The following ADAMTS18 variants were observed in gnomAD, a reference collection of about 807,000 sequenced individuals.
ADAMTS18 encodes ADAM metallopeptidase with thrombospondin type 1 motif 18.
ADAMTS18 carries 157 observed loss-of-function variants against 165.9 expected under a neutral mutation model. The ratio of observed to expected loss-of-function variants is 0.95; its 90% confidence interval spans 0.83 to 1.08. ADAMTS18 has a LOEUF of 1.08. ADAMTS18 is among the 50% of genes least tolerant of loss of function. ADAMTS18 has a pLI of 0.00. For synonymous variants in ADAMTS18, 782 were observed against 578.2 expected (o/e 1.35, Z -5.06); for missense variants, 2,040 against 1,534.0 (o/e 1.33, Z -5.51).
intron 3 of ADAMTS18, among the ~76,000 whole-genome samples, chr16:77,382,580 TTCTC>T (rs542219693): frequency 1.0e-3 from 156 of 152,322 alleles, no homozygotes; most frequent in African/African-American, 3.6e-3. Flanking sequence ...CATGAAGACT[TTCTC>T]AATCTAGGGA....
chr16:77,288,871 G>A (rs1053673220), intron 22 of ADAMTS18, among the ~76,000 whole-genome samples: 5 of 152,128 alleles, frequency 3.3e-5, no homozygotes, highest in Admixed American at 2.6e-4. Context: ...CAGAACTTGA[G>A]GCCAGGAGTT....
rs111239068 is a variant in ADAMTS18 at position 77,341,760 on chromosome 16, T to G, written c.1654A>C (p.Arg552=). Residue 552 remains arginine, a synonymous_variant, in exon 11 of 23, where the codon AGG becomes CGG. Transcript: ENST00000282849. ...KSLWCHRVGH[R]CETKFMPAAE... is the part of the protein sequence containing the mutation. ...GCGGGCATAAACTTGGTCTCACACC[T>G]GTGGCCTACTCGGTGGCACCAAAGT... is the stretch of plus-strand genomic sequence containing the variant. 5.0e-6 allele frequency: 8 copies of G among 1,613,590 alleles called. No individual in the cohort carries two copies. The highest frequency in any genetic ancestry group is 4.0e-5 in the African/African-American group (3 of 75,004).
At chr16:77,324,142 G>A (rs542580891) in intron 13 of ADAMTS18, among the ~76,000 whole-genome samples, 16 of 152,228 alleles carry the variant, frequency 1.1e-4, no homozygotes, top group African/African-American at 3.1e-4. Flanking sequence ...GAATATCCAC[G>A]AAGCCAAACC....
At chr16:77,310,429 G>C (rs1364806197) in intron 16 of ADAMTS18, among the ~76,000 whole-genome samples, 1 of 152,078 alleles carries the variant, frequency 6.6e-6, no homozygotes, top group Non-Finnish European at 1.5e-5. Context: ...GAGGAAACTG[G>C]GACCCTGATC....
intron 16 of ADAMTS18, among the ~76,000 whole-genome samples, chr16:77,303,105 G>C (rs917694143): frequency 3.9e-5 from 6 of 152,120 alleles, no homozygotes; most frequent in African/African-American, 1.2e-4. Flanking sequence ...AGGATGCCCT[G>C]TCCTGGCTCC....
chr16:77,338,879 G>A (rs1414433481), intron 11 of ADAMTS18, among the ~76,000 whole-genome samples: 2 of 151,214 alleles, frequency 1.3e-5, no homozygotes, highest in South Asian at 2.1e-4. Context: ...GCGTGAACCC[G>A]GGAGATGGAG....
intron 16 of ADAMTS18, among the ~76,000 whole-genome samples, chr16:77,318,373 A>G (rs2055925201): frequency 1.3e-5 from 2 of 152,194 alleles, no homozygotes. Flanking sequence ...TGCTATATTA[A>G]GATAATGGTG....
At chr16:77,392,232 T>A (rs1013226412) in intron 3 of ADAMTS18, among the ~76,000 whole-genome samples, 34 of 152,184 alleles carry the variant, frequency 2.2e-4, no homozygotes, top group Non-Finnish European at 8.8e-5. Context: ...GCTCTCATCA[T>A]GGCCAAGTAG....
At chr16:77,301,323 A>T (rs1052282414) in intron 16 of ADAMTS18, among the ~76,000 whole-genome samples, 3 of 152,040 alleles carry the variant, frequency 2.0e-5, no homozygotes, top group Non-Finnish European at 4.4e-5. Context: ...AAGATCACAC[A>T]AGTGACTAGG....
At position 77,431,286 on chromosome 16, in the gene ADAMTS18, T is replaced by C; in HGVS notation, c.495+9A>G. Reference sequence around the variant, plus strand: ...AGAGGGAGCTCAACTCAGACTGGGGTGTACTTACCAAGCCAGCACACGTAG... The same window carrying C: ...AGAGGGAGCTCAACTCAGACTGGGGCGTACTTACCAAGCCAGCACACGTAG... On this transcript the variant is annotated intron_variant, in intron 3 of 22. Coordinates refer to ENST00000282849, the MANE Select transcript of ADAMTS18 (RefSeq NM_199355.4). The C allele has an allele frequency of 6.2e-7, 1 of 1,613,984 alleles. No individual in the cohort carries two copies. The highest frequency in any genetic ancestry group is 1.3e-5 in the African/African-American group (1 of 74,964).
intron 3 of ADAMTS18, among the ~76,000 whole-genome samples, chr16:77,379,684 T>C (rs2057004353): frequency 6.6e-6 from 1 of 151,990 alleles, no homozygotes; most frequent in South Asian, 2.1e-4. Flanking sequence ...AGAGACTGGG[T>C]TTTAGCATGT....
At chr16:77,324,928 C>T (rs943216651) in intron 13 of ADAMTS18, among the ~76,000 whole-genome samples, 1 of 152,130 alleles carries the variant, frequency 6.6e-6, no homozygotes, top group Non-Finnish European at 1.5e-5. Context: ...ACAGTCATGA[C>T]CCAAAACCAC....
At chr16:77,401,743 C>T (rs1054712610) in intron 3 of ADAMTS18, among the ~76,000 whole-genome samples, 9 of 152,162 alleles carry the variant, frequency 5.9e-5, no homozygotes, top group Non-Finnish European at 1.0e-4. Context: ...CACAGAGAAG[C>T]ATCATCTAAT....
At position 77,434,440 on chromosome 16, in the gene ADAMTS18, G is replaced by C. The variant is rs1422314547; in HGVS notation, c.156C>G (p.Ser52Arg). The C allele has an allele frequency of 6.4e-7, 1 of 1,573,352 alleles. No individual in the cohort carries two copies. The highest frequency in any genetic ancestry group is 2.3e-5 in the East Asian group (1 of 43,834). Reference sequence around the variant, plus strand: ...AACCATCATTTAATCCGCTGGCGCCGCTGCTGCTGTCACTGGCTAAGGCCG... The same window carrying C: ...AACCATCATTTAATCCGCTGGCGCCCCTGCTGCTGTCACTGGCTAAGGCCG... ...VAAALASDSS[S>R]GASGLNDDYV... The change falls in exon 2 of 23, where the codon AGC (serine) becomes AGG (arginine). Residue 52 changes from serine to arginine, a missense_variant. Ser to Arg is a moderately radical substitution (Grantham distance 110, BLOSUM62 -1). Coordinates refer to ENST00000282849, the MANE Select transcript of ADAMTS18 (RefSeq NM_199355.4).
intron 3 of ADAMTS18, among the ~76,000 whole-genome samples, chr16:77,391,624 T>C (rs1316853382): frequency 3.9e-5 from 6 of 152,114 alleles, no homozygotes; most frequent in African/African-American, 7.2e-5. Context: ...CCTAATGAGA[T>C]TCAATTCATC....
intron 4 of ADAMTS18, among the ~76,000 whole-genome samples, chr16:77,365,525 T>C (rs2056780474): frequency 6.6e-6 from 1 of 152,190 alleles, no homozygotes; most frequent in South Asian, 2.1e-4. Context: ...GGGATGATAT[T>C]AAAAACTGTA....
chr16:77,287,581 G>C (rs114207072), intron 22 of ADAMTS18, among the ~76,000 whole-genome samples: 2,793 of 152,090 alleles, frequency 0.018, 85 homozygotes, highest in African/African-American at 0.064. Flanking sequence ...GGGTTCAAGA[G>C]ATCCTCCCAC....
At chr16:77,393,927 A>G (rs2057223752) in intron 3 of ADAMTS18, among the ~76,000 whole-genome samples, 1 of 152,222 alleles carries the variant, frequency 6.6e-6, no homozygotes, top group Admixed American at 6.5e-5. Flanking sequence ...AGTAGGATTT[A>G]CTTAGCCGGG....
At chr16:77,333,808 C>A (rs931828409) in intron 12 of ADAMTS18, among the ~76,000 whole-genome samples, 3 of 146,794 alleles carry the variant, frequency 2.0e-5, no homozygotes, top group African/African-American at 7.5e-5. Context: ...TAGTATAGTA[C>A]AGATACTATA....
Sources: gnomAD v4.1 joint callset for allele counts (sites outside exome capture counted in the v4.1 genomes callset) on GRCh38, gnomAD v4.1.1 for gene constraint, MANE v1.5 for transcripts, NCBI Gene and HGNC (gene_info 2026-07-23, HGNC 2026-07-21) for gene names.